The following PAX5 variants were observed in gnomAD, a reference collection of about 807,000 sequenced individuals.
The protein encoded by PAX5 is paired box 5.
A neutral mutation model predicts 43.7 loss-of-function variants in PAX5; 9 were observed. That is an observed-to-expected ratio of 0.21 (90% CI 0.12 to 0.36). The LOEUF (loss-of-function observed/expected upper bound fraction) is 0.36. Among genes scored for constraint, PAX5 ranks in the 10% least tolerant of loss-of-function variants. PAX5 has a pLI of 1.00. For missense variants in PAX5, 383 were observed against 532.7 expected, an observed-to-expected ratio of 0.72 and a Z score of 2.77; for synonymous variants, 228 against 214.3, an observed-to-expected ratio of 1.06 and a Z score of -0.56.
intron 4 of PAX5, among the ~76,000 whole-genome samples, chr9:37,005,139 TC>T (rs1478003763): frequency 6.6e-6 from 1 of 152,102 alleles, no homozygotes; most frequent in Non-Finnish European, 1.5e-5. Context: ...CCACAAACAT[TC>T]CCCCAGGAAG....
At position 36,880,832 on chromosome 9, in the gene PAX5, C is replaced by T. The variant is rs1826349716; in HGVS notation, c.1012+1172G>A. Among the ~76,000 whole-genome samples, 3 of 152,242 alleles carry T rather than the reference C, an allele frequency of 2.0e-5. No individual in the cohort carries two copies. The South Asian group carries it at 6.2e-4, about 31-fold the overall frequency. ...GCCTCAAGTGATCTGTCTGCCTCTG[C>T]CTCCCATGGTGCTGGGATTACAGGC... On this transcript the variant is annotated intron_variant, in intron 8 of 9. Coordinates refer to ENST00000358127, the MANE Select transcript of PAX5 (RefSeq NM_016734.3).
At chr9:36,862,908 ACAGACCAAGGGGG>A (rs1824362788) in intron 8 of PAX5, among the ~76,000 whole-genome samples, 1 of 152,178 alleles carries the variant, frequency 6.6e-6, no homozygotes, top group Non-Finnish European at 1.5e-5. Context: ...TGCCCTTAAA[ACAGACCAAGGGGG>A]CAGGCAGGGC....
At chr9:36,917,321 G>A (rs539397193) in intron 7 of PAX5, among the ~76,000 whole-genome samples, 2 of 152,224 alleles carry the variant, frequency 1.3e-5, no homozygotes, top group Admixed American at 6.5e-5. Context: ...TTTCTTGCCA[G>A]GCTTGTAAGA....
At chr9:36,855,026 T>G (rs1823527785) in intron 8 of PAX5, among the ~76,000 whole-genome samples, 1 of 152,214 alleles carries the variant, frequency 6.6e-6, no homozygotes, top group African/African-American at 2.4e-5. Flanking sequence ...TGTGATCCTC[T>G]GTAAAGAAGA....
chr9:36,868,190 G>A (rs1190982239), intron 8 of PAX5, among the ~76,000 whole-genome samples: 1 of 152,282 alleles, frequency 6.6e-6, no homozygotes, highest in Admixed American at 6.5e-5. Context: ...GGGCGTGCCA[G>A]TAGCACTCAA....
Position 36,996,754 on chromosome 9 carries a change from G to A in PAX5, c.604+5894C>T, listed in dbSNP as rs142935486. 2.4e-3 allele frequency among the ~76,000 whole-genome samples: 368 copies of A among 152,326 alleles called. 2 individuals are homozygous for A. Among genetic ancestry groups the A allele is most frequent in the Non-Finnish European group, 4.2e-3 (284 of 68,034 alleles). On this transcript the variant is annotated intron_variant, in intron 5 of 9. Coordinates refer to ENST00000358127, the MANE Select transcript of PAX5 (RefSeq NM_016734.3). ...CCCCTTCCCTCTGGCCATAGCTCCC[G>A]TGGAGGTCTGCTGGGCAGGGCTGAG...
chr9:36,954,588 C>T (rs1476930416), intron 6 of PAX5, among the ~76,000 whole-genome samples: 2 of 152,122 alleles, frequency 1.3e-5, no homozygotes, highest in Non-Finnish European at 2.9e-5. Flanking sequence ...AAAAAAGAGC[C>T]CTGTCAGTCT....
rs369023231 is a variant in PAX5, at chr9:36,882,119, G to A, written c.911-14C>T. On this transcript the variant is annotated splice_polypyrimidine_tract_variant and intron_variant, in intron 7 of 9. Coordinates refer to ENST00000358127, the MANE Select transcript of PAX5 (RefSeq NM_016734.3). The surrounding 1 kb of genome is among the most constrained non-coding windows in gnomAD (Gnocchi z 4.4). ...CCAAGTCACGGCCTGAGGAATCAAA[G>A]CAACAAATCACAGGGTGAGCATCTT... 9 of 1,570,742 alleles carry A rather than the reference G, an allele frequency of 5.7e-6. No homozygotes were observed. Among genetic ancestry groups the A allele is most frequent in the Admixed American group, 1.8e-5 (1 of 56,032 alleles).
intron 1 of PAX5, 127 bp downstream of exon 1, chr9:37,033,859 G>A (rs778595039): frequency 9.6e-6 from 7 of 728,954 alleles, no homozygotes; most frequent in South Asian, 1.5e-5. Context: ...TAACAAACAC[G>A]CCGCAGTTAG....
intron 5 of PAX5, among the ~76,000 whole-genome samples, chr9:36,997,417 G>C (rs570041123): frequency 1.3e-5 from 2 of 152,352 alleles, no homozygotes; most frequent in African/African-American, 4.8e-5. Flanking sequence ...GTTATTGTGA[G>C]GGGGACAGGG....
At chr9:37,018,517 T>C (rs544202844) in intron 2 of PAX5, among the ~76,000 whole-genome samples, 1 of 127,370 alleles carries the variant, frequency 7.9e-6, no homozygotes, top group Non-Finnish European at 1.6e-5. Context: ...CCACACATCG[T>C]ACTCTCCCTA....
chr9:36,847,592 G>C (rs1236677997), intron 8 of PAX5, among the ~76,000 whole-genome samples: 2 of 152,250 alleles, frequency 1.3e-5, no homozygotes, highest in African/African-American at 4.8e-5. Context: ...ACAGAAGAGG[G>C]AGTGGTTGGG....
chr9:36,973,145 G>GAAAGGAAAGA (rs1835111114), intron 5 of PAX5, among the ~76,000 whole-genome samples: 1 of 109,154 alleles, frequency 9.2e-6, no homozygotes, highest in African/African-American at 3.4e-5. Context: ...AAAAGGAAAG[G>GAAAGGAAAGA]AAAGGAAAGG....
At chr9:36,997,338 C>A (rs1329256041) in intron 5 of PAX5, among the ~76,000 whole-genome samples, 1 of 152,242 alleles carries the variant, frequency 6.6e-6, no homozygotes, top group Non-Finnish European at 1.5e-5. Context: ...GCTTTCTAAA[C>A]TGGTGAAAGG....
chr9:36,848,972 C>T (rs1822879153), intron 8 of PAX5, among the ~76,000 whole-genome samples: 1 of 152,222 alleles, frequency 6.6e-6, no homozygotes, highest in Admixed American at 6.5e-5. Flanking sequence ...TACCCTGTCC[C>T]CACCTTTCTA....
At chr9:37,031,597 CAGG>C (rs1449850886) in intron 1 of PAX5, among the ~76,000 whole-genome samples, 4 of 152,154 alleles carry the variant, frequency 2.6e-5, no homozygotes, top group Non-Finnish European at 5.9e-5. Flanking sequence ...CCAGCAGGAA[CAGG>C]AGGTCTAAGG....
intron 1 of PAX5, among the ~76,000 whole-genome samples, chr9:37,029,020 G>C (rs1438299200): frequency 6.6e-6 from 1 of 152,192 alleles, no homozygotes; most frequent in East Asian, 1.9e-4. Context: ...TCTGGGCCCT[G>C]GCTCAAGAAC....
chr9:36,983,029 C>G (rs540782630), intron 5 of PAX5, among the ~76,000 whole-genome samples: 1 of 152,084 alleles, frequency 6.6e-6, no homozygotes, highest in Non-Finnish European at 1.5e-5. Context: ...CAGTTCAGCA[C>G]GGTAAATAAT....
chr9:36,956,212 C>T (rs1334706326), intron 6 of PAX5, among the ~76,000 whole-genome samples: 1 of 152,074 alleles, frequency 6.6e-6, no homozygotes, highest in Non-Finnish European at 1.5e-5. Context: ...ACTGACATGG[C>T]ATATCTGTAA....
Sources: allele counts gnomAD v4.1 joint callset (sites outside exome capture counted in the v4.1 genomes callset), GRCh38; gene constraint gnomAD v4.1.1; non-coding constraint Gnocchi (gnomAD v3.1); transcripts MANE v1.5; gene names NCBI Gene and HGNC (gene_info 2026-07-23, HGNC 2026-07-21).